GALNT13: variants seen among roughly 807,000 people sequenced by gnomAD.
The protein encoded by GALNT13 is polypeptide N-acetylgalactosaminyltransferase 13, also known as UDP-GalNAc:polypeptide N-acetylgalactosaminyltransferase 13.
A neutral mutation model predicts 64.2 loss-of-function variants in GALNT13; 28 were observed. The ratio of observed to expected loss-of-function variants is 0.44; its 90% confidence interval spans 0.32 to 0.60. The LOEUF is 0.60. Ranked by LOEUF, GALNT13 falls within the 20% of genes least tolerant of loss-of-function variation. The pLI, the probability that GALNT13 is intolerant of heterozygous loss-of-function variation, is 0.05. For missense variants in GALNT13, 577 were observed against 669.8 expected, an observed-to-expected ratio of 0.86 and a Z score of 1.53; for synonymous variants, 214 against 224.6, an observed-to-expected ratio of 0.95 and a Z score of 0.42.
At chr2:153,755,451 G>A in the GALNT13 span, among the ~76,000 whole-genome samples, 2 of 151,916 alleles carry the variant, frequency 1.3e-5, no homozygotes, top group Admixed American at 6.6e-5. Context: ...CATTCTGACA[G>A]GTACTAGATA....
chr2:154,063,652 G>A (rs1469728430), intron 3 of GALNT13, among the ~76,000 whole-genome samples: 5 of 152,110 alleles, frequency 3.3e-5, no homozygotes, highest in African/African-American at 1.2e-4. Flanking sequence ...CCACTTATCT[G>A]TATTTTGAAC....
the GALNT13 span, among the ~76,000 whole-genome samples, chr2:153,200,245 G>C: frequency 1.7e-3 from 254 of 152,340 alleles, 3 homozygotes; most frequent in East Asian, 0.045. Flanking sequence ...GCCAGGTGAA[G>C]AGCAAGAATT....
chr2:153,173,298 G>C, the GALNT13 span: 2 of 152,252 alleles, frequency 1.3e-5, no homozygotes, highest in African/African-American at 4.8e-5. Flanking sequence ...TCAGAGGAAT[G>C]GTCACCCCTG....
chr2:153,103,633 C>T, the GALNT13 span, among the ~76,000 whole-genome samples: 4 of 152,200 alleles, frequency 2.6e-5, no homozygotes, highest in Non-Finnish European at 4.4e-5. Context: ...GAGGTCTGTC[C>T]TTGGACCCTG....
chr2:153,158,487 TA>T, the GALNT13 span, among the ~76,000 whole-genome samples: 1 of 152,170 alleles, frequency 6.6e-6, no homozygotes, highest in Non-Finnish European at 1.5e-5. Context: ...TGCTTCACTG[TA>T]AAACAAATTA....
chr2:153,209,828 A>G, the GALNT13 span, among the ~76,000 whole-genome samples: 1 of 152,130 alleles, frequency 6.6e-6, no homozygotes, highest in African/African-American at 2.4e-5. Context: ...ATTTACTTAG[A>G]TCTACTCTAA....
the GALNT13 span, among the ~76,000 whole-genome samples, chr2:153,321,306 G>A: frequency 6.6e-6 from 1 of 152,136 alleles, no homozygotes; most frequent in African/African-American, 2.4e-5. Context: ...CCTGGAACAG[G>A]AGCTTCCCAA....
At chr2:153,895,085 G>A (rs2105277562) in intron 1 of GALNT13, among the ~76,000 whole-genome samples, 1 of 152,208 alleles carries the variant, frequency 6.6e-6, no homozygotes, top group Non-Finnish European at 1.5e-5. Flanking sequence ...GAATTTGCAG[G>A]AATCTAAAGT....
chr2:154,165,353 C>CT (rs993416397), intron 4 of GALNT13, among the ~76,000 whole-genome samples: 6 of 151,892 alleles, frequency 4.0e-5, no homozygotes, highest in East Asian at 3.9e-4. Flanking sequence ...TTTAAAGTTT[C>CT]TTTTTTTTAA....
chr2:153,613,909 GT>G, the GALNT13 span, among the ~76,000 whole-genome samples: 1 of 152,004 alleles, frequency 6.6e-6, no homozygotes, highest in African/African-American at 2.4e-5. Flanking sequence ...TATACCTAAT[GT>G]AAATGACGAG....
At position 153,872,615 on chromosome 2, in the gene GALNT13, GTGGC is replaced by G. The variant is rs1558826561; in HGVS notation, c.-177+313_-177+316del. On this transcript the variant is annotated intron_variant, in intron 1 of 12. Transcript: ENST00000392825. ...TTCTGGCTACCCCGGTGAGTTGTTG[GTGGC>G]GGGGGGGGGGGGGGGAGCGGCTCTG... 1.2e-3 allele frequency among the ~76,000 whole-genome samples: 71 copies of G among 57,380 alleles called. 2 individuals carry two copies. The highest frequency in any genetic ancestry group is 2.6e-3 in the African/African-American group (40 of 15,242). The allele number at this position is 57,380 out of a possible 152,430, so 37.6% of individuals were successfully genotyped here. A position where few individuals can be genotyped will look rare whatever the true frequency, so the allele number is the denominator to read the frequency against.
chr2:153,913,444 C>T (rs982563047), intron 2 of GALNT13, among the ~76,000 whole-genome samples: 2 of 152,138 alleles, frequency 1.3e-5, no homozygotes, highest in Admixed American at 6.5e-5. Context: ...TTGGACAGTT[C>T]CCCTAAGGCT....
At chr2:154,273,350 A>C (rs1188305070) in intron 8 of GALNT13, among the ~76,000 whole-genome samples, 1 of 152,112 alleles carries the variant, frequency 6.6e-6, no homozygotes. Context: ...TGATAAATGC[A>C]AAAGGCCTTA....
At chr2:154,228,499 C>G (rs536131768) in intron 4 of GALNT13, among the ~76,000 whole-genome samples, 1 of 152,232 alleles carries the variant, frequency 6.6e-6, no homozygotes, top group Middle Eastern at 3.4e-3. Flanking sequence ...AAATCGTCCC[C>G]TGGATGTGGT....
chr2:154,160,303 C>A (rs12995536), intron 4 of GALNT13, among the ~76,000 whole-genome samples: 5 of 152,056 alleles, frequency 3.3e-5, no homozygotes, highest in Admixed American at 6.6e-5. Flanking sequence ...ATGACTCCCA[C>A]CTGATTTCTT....
chr2:154,112,123 A>G (rs1218639900), intron 3 of GALNT13, among the ~76,000 whole-genome samples: 1 of 152,188 alleles, frequency 6.6e-6, no homozygotes, highest in East Asian at 1.9e-4. Context: ...GAGGTCCAAT[A>G]TAATCAACCC....
At chr2:153,562,130 T>C in the GALNT13 span, among the ~76,000 whole-genome samples, 1 of 150,012 alleles carries the variant, frequency 6.7e-6, no homozygotes, top group African/African-American at 2.5e-5. Flanking sequence ...GGTGCGTCTG[T>C]GGGGAGGCAT....
chr2:153,748,869 GA>G, the GALNT13 span, among the ~76,000 whole-genome samples: 3 of 149,688 alleles, frequency 2.0e-5, no homozygotes, highest in Non-Finnish European at 3.0e-5. Context: ...ATGATACCTG[GA>G]AAAAAAAAGA....
chr2:153,908,275 T>G (rs2105309166), intron 2 of GALNT13, among the ~76,000 whole-genome samples: 1 of 152,254 alleles, frequency 6.6e-6, no homozygotes, highest in South Asian at 2.1e-4. Context: ...AAGTTCCTTA[T>G]AGATGCTGGA....
Sources: gnomAD v4.1 joint callset for allele counts (sites outside exome capture counted in the v4.1 genomes callset) on GRCh38, gnomAD v4.1.1 for gene constraint, MANE v1.5 for transcripts, NCBI Gene and HGNC (gene_info 2026-07-23, HGNC 2026-07-21) for gene names.